The following RUFY2 variants were observed in gnomAD, a reference collection of about 807,000 sequenced individuals.
RUFY2 encodes RUN and FYVE domain-containing protein 2.
Under a neutral mutation model 94.4 loss-of-function variants are expected in RUFY2, and 49 were observed. That is an observed-to-expected ratio of 0.52 (90% CI 0.41 to 0.66). The LOEUF (loss-of-function observed/expected upper bound fraction) is 0.66. Ranked by LOEUF, RUFY2 falls within the 30% of genes least tolerant of loss-of-function variation. The pLI is 0.00. For synonymous variants in RUFY2, 255 were observed against 235.7 expected (o/e 1.08, Z -0.75); for missense variants, 541 against 692.8 (o/e 0.78, Z 2.46).
At chr10:68,366,560 T>C (rs539537600) in intron 13 of RUFY2, among the ~76,000 whole-genome samples, 155 of 149,292 alleles carry the variant, frequency 1.0e-3, no homozygotes, top group African/African-American at 3.5e-3. Context: ...CTGGCCAACA[T>C]GGTGAAACCC....
chr10:68,386,022 C>A, intron 8 of RUFY2, 37 bp downstream of exon 8: 3 of 1,388,494 alleles, frequency 2.2e-6, no homozygotes, highest in East Asian at 2.3e-5. Flanking sequence ...ATCACAAACA[C>A]TAGGTCCATG....
Position 68,384,175 on chromosome 10 carries a change from G to A in RUFY2, c.721-23C>T, listed in dbSNP as rs764585627. 2.5e-6 allele frequency: 4 copies of A among 1,594,060 alleles called. No individual in the cohort carries two copies. In the African/African-American group the frequency reaches 4.0e-5, roughly 16 times the overall value. ...TAACTAAAAATTAAGAAACGGGCAA[G>A]AAAAAAGATTTTAAACACCCTTATA... On this transcript the variant is annotated intron_variant, in intron 8 of 17. Coordinates refer to ENST00000602465, the MANE Select transcript of RUFY2 (RefSeq NM_001330103.2).
At position 68,405,049 on chromosome 10, in the gene RUFY2, T is replaced by G. The variant is rs541858662; in HGVS notation, c.5-205A>C. 6.3e-4 allele frequency among the ~76,000 whole-genome samples: 96 copies of G among 152,220 alleles called. 1 individual carries two copies. The highest frequency in any genetic ancestry group is 2.2e-3 in the African/African-American group (92 of 41,558). ...AAAATTTCCGGCCAGGCGCGGTGGC[T>G]CACGCCTGTAATCCCAGCACTTTGG... On this transcript the variant is annotated intron_variant, in intron 1 of 17. Transcript: ENST00000602465.
At position 68,352,490 on chromosome 10, in the gene RUFY2, G is replaced by A. The variant is rs370602485; in HGVS notation, c.1599+2863C>T. On this transcript the variant is annotated intron_variant, in intron 16 of 17. Transcript: ENST00000602465. The stretch of plus-strand genomic sequence containing the variant: ...GGAGAGCAGAGAACTCTTGAAGTTG[G>A]AGGCAAGACGTCAAAGAAAAAATAA... Among the ~76,000 whole-genome samples the A allele has an allele frequency of 1.9e-4, 29 of 152,200 alleles. No individual in the cohort carries two copies. The East Asian group carries it at 1.9e-3, about 10-fold the overall frequency.
chr10:68,360,746 T>C (rs1022448951), intron 15 of RUFY2, among the ~76,000 whole-genome samples: 1 of 151,300 alleles, frequency 6.6e-6, no homozygotes, highest in Non-Finnish European at 1.5e-5. Context: ...AGACTCCATC[T>C]CAAAAAACGA....
intron 2 of RUFY2, 54 bp downstream of exon 2, chr10:68,404,617 C>T: frequency 7.5e-7 from 1 of 1,329,246 alleles, no homozygotes; most frequent in Non-Finnish European, 1.0e-6. Context: ...TTCTCAAGGG[C>T]ACTTGAAAAA....
chr10:68,349,991 C>CTTTAT (rs992758895), intron 16 of RUFY2, among the ~76,000 whole-genome samples: 4 of 151,724 alleles, frequency 2.6e-5, no homozygotes, highest in East Asian at 1.9e-4. Context: ...CTAACCAAGG[C>CTTTAT]TTTATTTTAT....
intron 12 of RUFY2, 116 bp downstream of exon 12, chr10:68,379,308 A>G (rs1215422734): frequency 7.6e-6 from 6 of 787,928 alleles, no homozygotes; most frequent in Non-Finnish European, 1.2e-5. Context: ...GGGCTTAAAC[A>G]AAAAACATGT....
chr10:68,365,879 G>A (rs1263379624), intron 13 of RUFY2, among the ~76,000 whole-genome samples: 6 of 152,084 alleles, frequency 3.9e-5, no homozygotes, highest in Admixed American at 2.6e-4. Context: ...AAACACTGAA[G>A]TAACCAAAGC....
chr10:68,377,444 A>G (rs763297800), intron 12 of RUFY2: 10 of 995,282 alleles, frequency 1.0e-5, no homozygotes, highest in Non-Finnish European at 9.6e-6. Context: ...AAGACCTGCA[A>G]TTACTCCAAA....
intron 3 of RUFY2, among the ~76,000 whole-genome samples, chr10:68,398,986 A>G (rs555819165): frequency 6.6e-6 from 1 of 151,764 alleles, no homozygotes; most frequent in East Asian, 1.9e-4. Context: ...AAATCTTTAC[A>G]CCTGATATAC....
At position 68,344,438 on chromosome 10, in the gene RUFY2, A is replaced by G. The variant is rs1364021618; in HGVS notation, c.*1330T>C. 1 of 152,214 alleles carries G rather than the reference A, an allele frequency of 6.6e-6. No individual in the cohort carries two copies. Among genetic ancestry groups the G allele is most frequent in the African/African-American group, 2.4e-5 (1 of 41,432 alleles). The allele number at this position is 152,214 out of a possible 1,614,324, so 9.4% of individuals were successfully genotyped here. A position where few individuals can be genotyped will look rare whatever the true frequency, so the allele number is the denominator to read the frequency against. ...AAAAAATAGGATACTGAATGGTGATAGTGTTTATGTAACTATTCAGAGGTA... is the reference window on the plus strand; with the variant it reads ...AAAAAATAGGATACTGAATGGTGATGGTGTTTATGTAACTATTCAGAGGTA... On this transcript the variant is annotated 3_prime_UTR_variant, in exon 18 of 18. Coordinates refer to ENST00000602465, the MANE Select transcript of RUFY2 (RefSeq NM_001330103.2).
intron 16 of RUFY2, among the ~76,000 whole-genome samples, chr10:68,350,949 G>C (rs1262723104): frequency 6.6e-6 from 1 of 151,826 alleles, no homozygotes; most frequent in East Asian, 1.9e-4. Context: ...GACCTCAGGT[G>C]ATCTGCCCAC....
At chr10:68,377,008 G>A in intron 12 of RUFY2, 36 bp from the exon 13 acceptor site, 2 of 1,612,046 alleles carry the variant, frequency 1.2e-6, no homozygotes, top group Non-Finnish European at 1.7e-6. Flanking sequence ...GTAAAACTGA[G>A]GCTAGAACTA....
chr10:68,390,971 G>A (rs1035084900), intron 7 of RUFY2, among the ~76,000 whole-genome samples: 12 of 145,332 alleles, frequency 8.3e-5, no homozygotes, highest in South Asian at 2.2e-4. Context: ...GTCTCGTTAC[G>A]TCGCCCAGGC....
In RUFY2 at chr10:68,367,989, G is replaced by A. The variant is rs139091122; in HGVS notation, c.1326-3876C>T. ...TGTCTTTTTTTTTTTTTTTTGAGAC[G>A]GAGTCTCGCTCTGTCGCCCAGGCTG... is the stretch of plus-strand genomic sequence containing the variant. On this transcript the variant is annotated intron_variant, in intron 13 of 17. Transcript: ENST00000602465. 8.5e-3 allele frequency among the ~76,000 whole-genome samples: 1,250 copies of A among 146,790 alleles called. 26 individuals carry two copies. The highest frequency in any genetic ancestry group is 0.028 in the African/African-American group (1,129 of 39,844).
intron 16 of RUFY2, among the ~76,000 whole-genome samples, chr10:68,353,338 A>G (rs1236774704): frequency 6.6e-6 from 1 of 151,008 alleles, no homozygotes; most frequent in African/African-American, 2.4e-5. Context: ...CTCGAAAAAA[A>G]AAAAAAAAAA....
At chr10:68,342,305 C>A, downstream of RUFY2, 1 of 374,540 alleles carries the variant, frequency 2.7e-6, no homozygotes, top group Non-Finnish European at 4.8e-6. Context: ...ATACTAGTTA[C>A]TCCTAAAGAT....
chr10:68,365,268 C>T (rs1440598363), intron 13 of RUFY2, among the ~76,000 whole-genome samples: 1 of 152,164 alleles, frequency 6.6e-6, no homozygotes, highest in Non-Finnish European at 1.5e-5. Context: ...ATCTCTTCAA[C>T]TAATGTTATT....
Sources: allele counts gnomAD v4.1 joint callset (sites outside exome capture counted in the v4.1 genomes callset), GRCh38; gene constraint gnomAD v4.1.1; transcripts MANE v1.5; gene names NCBI Gene and HGNC (gene_info 2026-07-23, HGNC 2026-07-21).